Variants in TTC12 observed in about 807,000 individuals in gnomAD.
The protein encoded by TTC12 is tetratricopeptide repeat protein 12.
A neutral mutation model predicts 90.1 loss-of-function variants in TTC12; 70 were observed. That is an observed-to-expected ratio of 0.78 (90% CI 0.64 to 0.95). The LOEUF is 0.95. Among genes scored for constraint, TTC12 ranks in the 40% least tolerant of loss-of-function variants. TTC12 has a pLI of 0.00. For synonymous variants in TTC12, 296 were observed against 311.5 expected, an observed-to-expected ratio of 0.95 and a Z score of 0.53; for missense variants, 819 against 846.1, an observed-to-expected ratio of 0.97 and a Z score of 0.40.
intron 15 of TTC12, among the ~76,000 whole-genome samples, chr11:113,351,757 C>T (rs1336505642): frequency 5.9e-5 from 9 of 152,132 alleles, no homozygotes; most frequent in Non-Finnish European, 1.3e-4. Flanking sequence ...TTCAGGGGCC[C>T]TTAGAGAGCA....
intron 18 of TTC12, 52 bp from the exon 19 acceptor site, chr11:113,362,349 T>G (rs1349797713): frequency 4.3e-6 from 6 of 1,390,998 alleles, no homozygotes; most frequent in African/African-American, 1.4e-5. Context: ...TTTTAAAGGT[T>G]GTCAGCATTT....
At chr11:113,338,105 G>A (rs1948476735) in intron 8 of TTC12, among the ~76,000 whole-genome samples, 1 of 151,838 alleles carries the variant, frequency 6.6e-6, no homozygotes, top group Non-Finnish European at 1.5e-5. Flanking sequence ...TGTTTTCTGA[G>A]CGTTTTCTCT....
At position 113,335,008 on chromosome 11, in the gene TTC12, G is replaced by A; in HGVS notation, c.547G>A (p.Ala183Thr). The stretch of plus-strand genomic sequence containing the variant: ...AAAAGCATATTTTCACATGGGAAAA[G>A]CCAACCTGGCCCTGAAGAACTACAG... ...CTKAYFHMGKANLALKNYSVS... is the reference protein window; with the variant it reads ...CTKAYFHMGKTNLALKNYSVS... Residue 183 changes from alanine to threonine, a missense_variant, in exon 8 of 22, where the codon GCC becomes ACC. Coordinates refer to ENST00000529221, the MANE Select transcript of TTC12 (RefSeq NM_017868.4). The A allele has an allele frequency of 1.2e-6, 2 of 1,613,854 alleles. No homozygotes were observed. The highest frequency in any genetic ancestry group is 1.7e-6 in the Non-Finnish European group (2 of 1,179,800).
In TTC12 at chr11:113,344,402, C is replaced by G; in HGVS notation, c.1116C>G (p.Ser372Arg). 3 of 1,614,076 alleles carry G rather than the reference C, an allele frequency of 1.9e-6. No individual in the cohort carries two copies. Among genetic ancestry groups the G allele is most frequent in the Non-Finnish European group, 2.5e-6 (3 of 1,180,006 alleles). ...ALLLHLAQTESGRSLIINHLD... is the reference protein window; with the variant it reads ...ALLLHLAQTERGRSLIINHLD... ...TGCTGCATCTCGCCCAGACTGAGAG[C>G]GGACGGAGCCTGATCATCAACCACC... The change falls in exon 13 of 22, where the codon AGC (serine) becomes AGG (arginine). Residue 372 changes from serine to arginine, a missense_variant. By Grantham distance (110) the Ser-to-Arg change is moderately radical (BLOSUM62 -1). Transcript: ENST00000529221.
Position 113,323,343 on chromosome 11 carries a change from C to T in TTC12, c.114C>T (p.Val38=), listed in dbSNP as rs782222257. The change falls in exon 3 of 22, where the codon GTC becomes GTT. Residue 38 remains valine (V), a synonymous_variant. Transcript: ENST00000529221. ...ACCCAGTTGTGCAACAGAAAGCTGT[C>T]CTGGAGACAGAAAAGAGACTACTGC... ...SDDPVVQQKA[V]LETEKRLLLM... The T allele has an allele frequency of 6.8e-6, 11 of 1,612,536 alleles. No homozygotes were observed. The highest frequency in any genetic ancestry group is 9.3e-6 in the Non-Finnish European group (11 of 1,179,580).
chr11:113,360,946 A>G (rs781822001), intron 18 of TTC12, among the ~76,000 whole-genome samples: 1 of 152,206 alleles, frequency 6.6e-6, no homozygotes, highest in Non-Finnish European at 1.5e-5. Context: ...ATGACCCCCA[A>G]AGTGGTAAGC....
intron 21 of TTC12, among the ~76,000 whole-genome samples, chr11:113,365,961 C>T (rs1193306115): frequency 1.3e-5 from 2 of 152,196 alleles, no homozygotes; most frequent in African/African-American, 4.8e-5. Context: ...TGGGGGAGTT[C>T]TCGAGAGCAA....
intron 6 of TTC12, chr11:113,329,608 T>A (rs1307369418): frequency 3.4e-5 from 17 of 500,346 alleles, no homozygotes; most frequent in African/African-American, 3.3e-4. Context: ...CACATTTTGT[T>A]CATTGCTCCC....
intron 2 of TTC12, among the ~76,000 whole-genome samples, chr11:113,316,610 A>G (rs966921794): frequency 1.3e-5 from 2 of 152,216 alleles, no homozygotes; most frequent in African/African-American, 4.8e-5. Context: ...CTGTTTCCCC[A>G]TTGACAATGA....
At chr11:113,314,736 C>A (rs1308298460) in intron 1 of TTC12, 118 bp downstream of exon 1, 1 of 153,156 alleles carries the variant, frequency 6.5e-6, no homozygotes, top group African/African-American at 2.4e-5. Flanking sequence ...TGGCTGCGGT[C>A]TGGGACGGCT....
At chr11:113,372,002 C>G (rs1285274705) in intron 21 of TTC12, among the ~76,000 whole-genome samples, 1 of 152,128 alleles carries the variant, frequency 6.6e-6, no homozygotes, top group East Asian at 1.9e-4. Context: ...CCGGCCATCC[C>G]TATATGCTCT....
intron 8 of TTC12, among the ~76,000 whole-genome samples, chr11:113,337,929 T>C (rs184148524): frequency 5.9e-5 from 9 of 152,292 alleles, no homozygotes; most frequent in Non-Finnish European, 1.0e-4. Context: ...AGAAGTTGGA[T>C]ACAGGGTCAC....
chr11:113,347,090 A>G (rs1014350282), intron 13 of TTC12, among the ~76,000 whole-genome samples: 2 of 152,234 alleles, frequency 1.3e-5, no homozygotes, highest in African/African-American at 4.8e-5. Context: ...TGCCAGGACA[A>G]AGCCAAGATG....
chr11:113,348,320 G>A (rs1949083918), intron 13 of TTC12, among the ~76,000 whole-genome samples: 1 of 152,136 alleles, frequency 6.6e-6, no homozygotes, highest in Non-Finnish European at 1.5e-5. Context: ...ACATCCATAA[G>A]ATAGTATGCT....
intron 8 of TTC12, among the ~76,000 whole-genome samples, chr11:113,337,977 C>G (rs1356860700): frequency 6.6e-6 from 1 of 152,196 alleles, no homozygotes; most frequent in African/African-American, 2.4e-5. Context: ...ACACTGTTCT[C>G]TACTTTAATG....
chr11:113,316,171 AG>A (rs1946927628), intron 1 of TTC12, 71 bp from the exon 2 acceptor site: 1 of 640,484 alleles, frequency 1.6e-6, no homozygotes, highest in South Asian at 6.2e-5. Flanking sequence ...TAGTTTTAGA[AG>A]GCTAATAAGC....
In TTC12 at chr11:113,360,131, G is replaced by C. The variant is rs1316390054; in HGVS notation, c.1614+123G>C. The C allele has an allele frequency of 7.4e-6, 5 of 673,374 alleles. No individual in the cohort carries two copies. The South Asian group carries it at 9.1e-5, about 12-fold the overall frequency. The allele number at this position is 673,374 out of a possible 1,614,324, so 41.7% of individuals were successfully genotyped here. On this transcript the variant is annotated intron_variant, in intron 18 of 21. Transcript: ENST00000529221. ...CCACCTTTGAGAATCTGCTGACTCT[G>C]AGATATGGTGTGGATATACTATTCA...
chr11:113,347,644 A>C (rs1203212661), intron 13 of TTC12, among the ~76,000 whole-genome samples: 2 of 152,138 alleles, frequency 1.3e-5, no homozygotes, highest in South Asian at 2.1e-4. Context: ...GACTCCTCCC[A>C]GCTTTCCAGT....
chr11:113,371,254 T>G (rs1313796856), downstream of TTC12, among the ~76,000 whole-genome samples: 1 of 152,240 alleles, frequency 6.6e-6, no homozygotes, highest in Non-Finnish European at 1.5e-5. Context: ...TGCATCATAT[T>G]TGCATATAAC....
Sources: allele counts gnomAD v4.1 joint callset (sites outside exome capture counted in the v4.1 genomes callset), GRCh38; gene constraint gnomAD v4.1.1; transcripts MANE v1.5; gene names NCBI Gene and HGNC (gene_info 2026-07-23, HGNC 2026-07-21).